Variants in CA10 observed in about 807,000 individuals in gnomAD.
CA10 encodes the protein carbonic anhydrase-related protein 10.
A neutral mutation model predicts 44.2 loss-of-function variants in CA10; 14 were observed. That is an observed-to-expected ratio of 0.32 (90% confidence interval 0.21 to 0.50). CA10 has a LOEUF of 0.50. Among genes scored for constraint, CA10 ranks in the 20% least tolerant of loss-of-function variants. CA10 has a pLI of 0.99. For missense variants in CA10, 350 were observed against 409.7 expected, an observed-to-expected ratio of 0.85 and a Z score of 1.26; for synonymous variants, 159 against 141.6, an observed-to-expected ratio of 1.12 and a Z score of -0.87.
intron 1 of CA10, among the ~76,000 whole-genome samples, chr17:52,100,242 G>A (rs1299745141): frequency 6.6e-6 from 1 of 152,170 alleles, no homozygotes; most frequent in African/African-American, 2.4e-5. Context: ...AAAAGGACCG[G>A]GATCCAGACC....
chr17:51,993,306 C>G (rs1567912207), intron 2 of CA10, among the ~76,000 whole-genome samples: 1 of 152,042 alleles, frequency 6.6e-6, no homozygotes, highest in Non-Finnish European at 1.5e-5. Flanking sequence ...ATTTCACTCC[C>G]CACTACAGAA....
chr17:52,062,060 G>A (rs1032964157), intron 2 of CA10, among the ~76,000 whole-genome samples: 8 of 128,608 alleles, frequency 6.2e-5, no homozygotes, highest in African/African-American at 2.0e-4. Flanking sequence ...GAAGTGGTGT[G>A]GCCACTTTTT....
chr17:52,022,337 A>C (rs950393807), intron 2 of CA10, among the ~76,000 whole-genome samples: 1 of 152,134 alleles, frequency 6.6e-6, no homozygotes, highest in Non-Finnish European at 1.5e-5. Flanking sequence ...CGACATGAAC[A>C]GAATTAAAAA....
chr17:51,728,644 C>G, intron 4 of CA10, among the ~76,000 whole-genome samples: 1 of 152,200 alleles, frequency 6.6e-6, no homozygotes, highest in Non-Finnish European at 1.5e-5. Context: ...TCAGAGGTAC[C>G]CAATATCCAC....
intron 2 of CA10, among the ~76,000 whole-genome samples, chr17:51,969,567 C>T (rs562132414): frequency 4.6e-5 from 7 of 152,010 alleles, no homozygotes; most frequent in Non-Finnish European, 8.8e-5. Context: ...CCCTCTAGAA[C>T]GTCTTCCCTA....
intron 4 of CA10, among the ~76,000 whole-genome samples, chr17:51,703,508 C>T (rs961828304): frequency 2.6e-5 from 4 of 151,974 alleles, no homozygotes; most frequent in African/African-American, 9.7e-5. Context: ...CTCCCCACCC[C>T]ACCCATCCAT....
intron 2 of CA10, among the ~76,000 whole-genome samples, chr17:51,966,898 G>A (rs1004284950): frequency 4.6e-5 from 7 of 151,498 alleles, no homozygotes; most frequent in African/African-American, 9.7e-5. Flanking sequence ...TCTGTACAGC[G>A]AAAGAAACTA....
chr17:51,704,482 T>C (rs1018756065), intron 4 of CA10, among the ~76,000 whole-genome samples: 8 of 152,208 alleles, frequency 5.3e-5, no homozygotes, highest in Non-Finnish European at 8.8e-5. Context: ...GTAGCTGAAC[T>C]CAAGGAATGC....
intron 3 of CA10, among the ~76,000 whole-genome samples, chr17:51,836,558 G>T (rs569439858): frequency 6.6e-6 from 1 of 152,154 alleles, no homozygotes; most frequent in Non-Finnish European, 1.5e-5. Context: ...TCCCCCACTC[G>T]CCTGTGGGGA....
chr17:51,675,393 C>G (rs1017250282), intron 4 of CA10, among the ~76,000 whole-genome samples: 1 of 152,076 alleles, frequency 6.6e-6, no homozygotes, highest in Non-Finnish European at 1.5e-5. Context: ...AACCCCATCT[C>G]TACTAAAAAT....
rs114938956 is a variant in CA10 at position 51,860,390 on chromosome 17, G to A, written c.279+70600C>T. ...TGTTTTCTTTCTCCAAAACATCCAG[G>A]AAACTGAATGGCTGGAAGTCTGACT... On this transcript the variant is annotated intron_variant, in intron 3 of 8. Coordinates refer to ENST00000451037, the MANE Select transcript of CA10 (RefSeq NM_020178.5). Among the ~76,000 whole-genome samples the A allele has an allele frequency of 6.7e-3, 1,025 of 152,272 alleles. 7 individuals carry two copies. Among genetic ancestry groups the A allele is most frequent in the African/African-American group, 0.023 (957 of 41,556 alleles).
At chr17:51,935,819 C>T (rs915590058) in intron 2 of CA10, among the ~76,000 whole-genome samples, 1 of 152,112 alleles carries the variant, frequency 6.6e-6, no homozygotes, top group African/African-American at 2.4e-5. Context: ...CACACCTTGG[C>T]AACGTCTGGA....
chr17:51,702,819 C>A (rs1915645263), intron 4 of CA10, among the ~76,000 whole-genome samples: 1 of 152,192 alleles, frequency 6.6e-6, no homozygotes, highest in Admixed American at 6.5e-5. Flanking sequence ...CTACAAGAAT[C>A]TCTCCTCTTC....
At chr17:51,944,856 A>T (rs1348448872) in intron 2 of CA10, among the ~76,000 whole-genome samples, 3 of 152,238 alleles carry the variant, frequency 2.0e-5, no homozygotes, top group African/African-American at 7.2e-5. Context: ...CACTACAGAG[A>T]ATTATATTCT....
intron 3 of CA10, among the ~76,000 whole-genome samples, chr17:51,887,262 T>A (rs558636251): frequency 6.6e-6 from 1 of 151,578 alleles, no homozygotes; most frequent in Non-Finnish European, 1.5e-5. Flanking sequence ...CCCCCTCCAA[T>A]AGAACTGCTC....
chr17:51,960,419 C>T (rs1417928688), intron 2 of CA10, among the ~76,000 whole-genome samples: 1 of 151,762 alleles, frequency 6.6e-6, no homozygotes, highest in East Asian at 1.9e-4. Flanking sequence ...ACACCCCCCA[C>T]CACCAAAAAA....
At chr17:52,033,904 A>T (rs1453178334) in intron 2 of CA10, among the ~76,000 whole-genome samples, 1 of 152,232 alleles carries the variant, frequency 6.6e-6, no homozygotes, top group Non-Finnish European at 1.5e-5. Context: ...ATCCTAGAAG[A>T]CATTATGCTA....
At chr17:51,832,361 G>A (rs778352576) in intron 3 of CA10, among the ~76,000 whole-genome samples, 2 of 152,256 alleles carry the variant, frequency 1.3e-5, no homozygotes, top group African/African-American at 2.4e-5. Flanking sequence ...TATATAACCC[G>A]GTAATTTTAG....
chr17:51,815,023 G>A (rs1907511698), intron 3 of CA10, among the ~76,000 whole-genome samples: 1 of 152,094 alleles, frequency 6.6e-6, no homozygotes, highest in Admixed American at 6.6e-5. Context: ...TCTGAGTTGC[G>A]TTGAACATTC....
Sources: gnomAD v4.1 joint callset for allele counts (sites outside exome capture counted in the v4.1 genomes callset) on GRCh38, gnomAD v4.1.1 for gene constraint, MANE v1.5 for transcripts, NCBI Gene and HGNC (gene_info 2026-07-23, HGNC 2026-07-21) for gene names.